Variants in MED6 observed in about 807,000 individuals in gnomAD.
MED6 encodes mediator complex subunit 6.
Under a neutral mutation model 37.5 loss-of-function variants are expected in MED6, and 33 were observed. The ratio of observed to expected loss-of-function variants is 0.88; its 90% CI spans 0.67 to 1.18. The LOEUF (loss-of-function observed/expected upper bound fraction) is 1.18. Ranked by LOEUF, MED6 falls within the 50% of genes most tolerant of loss-of-function variation. The pLI is 0.00. For missense variants in MED6, 235 were observed against 290.6 expected, an observed-to-expected ratio of 0.81 and a Z score of 1.39; for synonymous variants, 94 against 93.6, an observed-to-expected ratio of 1.00 and a Z score of -0.02.
intron 1 of MED6, among the ~76,000 whole-genome samples, chr14:70,599,737 T>C (rs2139606975): frequency 1.3e-5 from 2 of 152,320 alleles, no homozygotes; most frequent in South Asian, 4.1e-4. Context: ...TATTTCTCTT[T>C]TTTATTCTGT....
intron 2 of MED6, among the ~76,000 whole-genome samples, chr14:70,597,175 T>C (rs1885071975): frequency 6.6e-6 from 1 of 152,240 alleles, no homozygotes; most frequent in African/African-American, 2.4e-5. Context: ...ATAAGTTGTC[T>C]CAATAGCTGT....
intron 6 of MED6, among the ~76,000 whole-genome samples, chr14:70,588,706 T>A (rs1595047880): frequency 1.2e-5 from 1 of 85,708 alleles, no homozygotes; most frequent in African/African-American, 8.4e-5. Flanking sequence ...ATAATAATAA[T>A]AATAATAATA....
chr14:70,596,564 T>G (rs775801948), intron 3 of MED6, 47 bp downstream of exon 3: 1 of 1,431,194 alleles, frequency 7.0e-7, no homozygotes, highest in South Asian at 1.2e-5. Context: ...GTAAATAAAT[T>G]ATGGTATTTT....
At position 70,584,146 on chromosome 14, in the gene MED6, T is replaced by C. The variant is rs372631802; in HGVS notation, c.*667A>G. 4.0e-6 allele frequency: 3 copies of C among 749,366 alleles called. No individual in the cohort carries two copies. The highest frequency in any genetic ancestry group is 3.6e-5 in the Admixed American group (2 of 54,810). The allele number at this position is 749,366 out of a possible 1,614,324, so 46.4% of individuals were successfully genotyped here. A position where few individuals can be genotyped will look rare whatever the true frequency, so the allele number is the denominator to read the frequency against. On this transcript the variant is annotated 3_prime_UTR_variant, in exon 8 of 8. Transcript: ENST00000256379. ...GATTATGTAACTGAACAAAAAGAAATATGCTTAGTTACTACTTTAACATCC... is the reference window on the plus strand; with the variant it reads ...GATTATGTAACTGAACAAAAAGAAACATGCTTAGTTACTACTTTAACATCC...
At chr14:70,593,256 A>C (rs759907675) in intron 4 of MED6, 40 bp downstream of exon 4, 30 of 1,547,250 alleles carry the variant, frequency 1.9e-5, no homozygotes, top group Non-Finnish European at 2.7e-5. Flanking sequence ...TAGCTAATTA[A>C]AAGTTTTCTT....
intron 5 of MED6, 118 bp downstream of exon 5, chr14:70,592,762 C>A: frequency 9.0e-7 from 1 of 1,105,898 alleles, no homozygotes; most frequent in South Asian, 1.5e-5. Flanking sequence ...ACAAAGCCAT[C>A]ATCCCATGAA....
intron 6 of MED6, among the ~76,000 whole-genome samples, chr14:70,587,640 T>C (rs1396378241): frequency 1.3e-5 from 2 of 152,216 alleles, no homozygotes; most frequent in South Asian, 2.1e-4. Flanking sequence ...CATAATACAC[T>C]GTCTAATCTT....
intron 5 of MED6, chr14:70,592,619 C>T (rs1013466788): frequency 4.3e-5 from 12 of 282,158 alleles, no homozygotes; most frequent in Admixed American, 8.8e-5. Flanking sequence ...TGAGCCACCA[C>T]ACCTGGCCCC....
At chr14:70,593,403 A>G in intron 3 of MED6, 25 bp from the exon 4 acceptor site, 5 of 1,539,402 alleles carry the variant, frequency 3.2e-6, no homozygotes, top group Non-Finnish European at 4.5e-6. Context: ...AAAAAGGTTT[A>G]TAAATACAGC....
intron 1 of MED6, 103 bp downstream of exon 1, chr14:70,600,513 T>C: frequency 1.5e-6 from 2 of 1,333,678 alleles, no homozygotes; most frequent in South Asian, 1.2e-5. Flanking sequence ...TCAAAAAAGC[T>C]TGAGACTTCA....
Position 70,600,625 on chromosome 14 carries a change from C to A in MED6, c.13G>T (p.Asp5Tyr), listed in dbSNP as rs1190542053. 3 of 1,613,104 alleles carry A rather than the reference C, an allele frequency of 1.9e-6. No homozygotes were observed. Among genetic ancestry groups the A allele is most frequent in the Non-Finnish European group, 1.7e-6 (2 of 1,179,842 alleles). The change falls in exon 1 of 8, where the codon GAT (aspartate) becomes TAT (tyrosine). Residue 5 changes from aspartate to tyrosine, a missense_variant. Asp to Tyr is a radical substitution (Grantham distance 160). Coordinates refer to ENST00000256379, the MANE Select transcript of MED6 (RefSeq NM_005466.4). MAAV[D>Y]IRDNLLGISW... ...TAGCAATACAGTATACCTCGGATAT[C>A]CACCGCCGCCATAATTCCGAGAGCG...
intron 1 of MED6, among the ~76,000 whole-genome samples, chr14:70,600,102 G>A (rs111275514): frequency 4.4e-4 from 67 of 152,040 alleles, no homozygotes; most frequent in African/African-American, 1.6e-3. Flanking sequence ...AAAAAAATAC[G>A]ACCCCTGCCC....
At chr14:70,587,737 T>C (rs993709688) in intron 6 of MED6, among the ~76,000 whole-genome samples, 2 of 152,212 alleles carry the variant, frequency 1.3e-5, no homozygotes, top group African/African-American at 4.8e-5. Context: ...TTTAATCAGG[T>C]GGCTTTGGTT....
chr14:70,598,071 G>T (rs1044789230), intron 1 of MED6, among the ~76,000 whole-genome samples: 3 of 152,096 alleles, frequency 2.0e-5, no homozygotes, highest in Middle Eastern at 3.2e-3. Flanking sequence ...GAGGTAGGTG[G>T]ATCACCTGAG....
intron 3 of MED6, chr14:70,594,852 G>A (rs1404336608): frequency 1.5e-6 from 1 of 656,840 alleles, no homozygotes; most frequent in East Asian, 3.2e-5. Flanking sequence ...TGGACAGAGT[G>A]AGGAGCCTGG....
intron 2 of MED6, 50 bp downstream of exon 2, chr14:70,597,568 A>G: frequency 7.2e-7 from 1 of 1,391,510 alleles, no homozygotes; most frequent in Non-Finnish European, 9.4e-7. Context: ...AGAACTGTTC[A>G]TTGCAAAACT....
intron 3 of MED6, chr14:70,595,667 C>T: frequency 2.1e-6 from 2 of 953,470 alleles, no homozygotes; most frequent in Non-Finnish European, 3.3e-6. Context: ...AGGCTGAGAT[C>T]ACCACCTACC....
rs1884924144 is a variant in MED6, at chr14:70,592,881, T to C, written c.465A>G (p.Gln155=). ...YWWHFKDHEE[Q]DKVRPKAKRK... is the part of the protein sequence containing the mutation. ...GGAGGGTATGGATGTTCTACTTACC[T>C]TGCTCTTCATGATCTTTGAAGTGCC... Residue 155 remains glutamine, a splice_region_variant and synonymous_variant, in exon 5 of 8, where the codon CAA becomes CAG. Coordinates refer to ENST00000256379, the MANE Select transcript of MED6 (RefSeq NM_005466.4). 1 of 1,613,574 alleles carries C rather than the reference T, an allele frequency of 6.2e-7. No individual in the cohort carries two copies.
Position 70,596,686 on chromosome 14 carries a change from C to G in MED6, c.199G>C (p.Glu67Gln). Residue 67 changes from glutamate (E) to glutamine (Q), a missense_variant, in exon 3 of 8, where the codon GAG becomes CAG. Glu to Gln is a conservative substitution (Grantham distance 29, BLOSUM62 2). Coordinates refer to ENST00000256379, the MANE Select transcript of MED6 (RefSeq NM_005466.4). ...TCTTGAGCATGCAAAAGGATGTACT[C>G]GATTCCAACCATCTGACTGAAAACA... is the stretch of plus-strand genomic sequence containing the variant. ...LEHLNQMVGI[E>Q]YILLHAQEPI... 1 of 1,613,596 alleles carries G rather than the reference C, an allele frequency of 6.2e-7. No individual in the cohort carries two copies.
Sources: allele counts gnomAD v4.1 joint callset (sites outside exome capture counted in the v4.1 genomes callset), GRCh38; gene constraint gnomAD v4.1.1; transcripts MANE v1.5; gene names NCBI Gene and HGNC (gene_info 2026-07-23, HGNC 2026-07-21).